Variants in NRXN1 observed in about 807,000 individuals in gnomAD.
NRXN1 encodes neurexin 1, also known as neurexin-1.
A neutral mutation model predicts 150.9 loss-of-function variants in NRXN1; 39 were observed. The observed-to-expected ratio is 0.26, with a 90% CI of 0.20 to 0.34. The LOEUF (loss-of-function observed/expected upper bound fraction) is 0.34. NRXN1 is among the 10% of genes least tolerant of loss of function. NRXN1 has a pLI of 1.00. For missense variants in NRXN1, 1,815 were observed against 1,949.9 expected (o/e 0.93, Z 1.30); for synonymous variants, 924 against 757.0 (o/e 1.22, Z -3.62).
chr2:50,287,161 G>C (rs2072299448), intron 17 of NRXN1, among the ~76,000 whole-genome samples: 1 of 152,008 alleles, frequency 6.6e-6, no homozygotes, highest in African/African-American at 2.4e-5. Context: ...ATGTGCTAAA[G>C]CTACTTACGT....
chr2:50,577,440 G>A (rs560612968), intron 8 of NRXN1, among the ~76,000 whole-genome samples: 71 of 150,368 alleles, frequency 4.7e-4, no homozygotes, highest in Non-Finnish European at 8.7e-4. Flanking sequence ...TTGATTTCCC[G>A]CAGTATCACT....
At chr2:50,796,695 C>A (rs967242458) in intron 5 of NRXN1, among the ~76,000 whole-genome samples, 9 of 152,128 alleles carry the variant, frequency 5.9e-5, no homozygotes, top group Non-Finnish European at 1.3e-4. Context: ...GATTTCAAGG[C>A]CCAAAGTCCC....
chr2:50,595,646 A>T (rs969320946), intron 8 of NRXN1, among the ~76,000 whole-genome samples: 12 of 152,196 alleles, frequency 7.9e-5, no homozygotes, highest in African/African-American at 2.9e-4. Context: ...AGTACCCAGG[A>T]AGAATGATTC....
chr2:50,214,640 A>T (rs2152848233), intron 18 of NRXN1, among the ~76,000 whole-genome samples: 2 of 152,132 alleles, frequency 1.3e-5, no homozygotes, highest in South Asian at 4.1e-4. Flanking sequence ...ACTCTTAAAT[A>T]GAGAGCTTGA....
chr2:49,942,614 T>TATTATTA (rs112672714), intron 22 of NRXN1, among the ~76,000 whole-genome samples: 3,107 of 148,886 alleles, frequency 0.021, 43 homozygotes, highest in East Asian at 0.036. Context: ...TTATTATTAT[T>TATTATTA]TTATTATTAT....
At chr2:50,793,882 G>C (rs1706417888) in intron 5 of NRXN1, among the ~76,000 whole-genome samples, 1 of 152,022 alleles carries the variant, frequency 6.6e-6, no homozygotes, top group Admixed American at 6.6e-5. Flanking sequence ...AAATTTAGCA[G>C]CTTATATTTC....
intron 5 of NRXN1, among the ~76,000 whole-genome samples, 188 bp downstream of exon 5, chr2:50,921,681 G>A (rs975595525): frequency 1.3e-5 from 2 of 151,600 alleles, no homozygotes; most frequent in Non-Finnish European, 2.9e-5. Context: ...AGAAAAAAAA[G>A]GGTGGGGGCG....
intron 5 of NRXN1, among the ~76,000 whole-genome samples, chr2:50,633,343 G>GA (rs572726587): frequency 5.9e-5 from 9 of 151,648 alleles, no homozygotes; most frequent in South Asian, 4.2e-4. Flanking sequence ...TTAAAAGAAA[G>GA]AAAAAAAACT....
chr2:50,388,047 A>C (rs1411322421), intron 17 of NRXN1, among the ~76,000 whole-genome samples: 1 of 152,148 alleles, frequency 6.6e-6, no homozygotes, highest in Non-Finnish European at 1.5e-5. Flanking sequence ...TTCATCTTTT[A>C]CTTGAAACTT....
chr2:50,890,573 A>G (rs1680901315), intron 5 of NRXN1, among the ~76,000 whole-genome samples: 1 of 151,850 alleles, frequency 6.6e-6, no homozygotes. Context: ...ACACTCACCC[A>G]TATTTCAAAG....
At chr2:50,110,888 C>G (rs1483581417) in intron 18 of NRXN1, among the ~76,000 whole-genome samples, 1 of 152,146 alleles carries the variant, frequency 6.6e-6, no homozygotes, top group East Asian at 1.9e-4. Flanking sequence ...TGCCCATAAA[C>G]TGAGTTTCCT....
At chr2:50,589,930 G>C (rs1673850105) in intron 8 of NRXN1, among the ~76,000 whole-genome samples, 2 of 152,104 alleles carry the variant, frequency 1.3e-5, no homozygotes, top group Admixed American at 6.6e-5. Flanking sequence ...GAAACCATTA[G>C]GTTTTATTCA....
intron 5 of NRXN1, among the ~76,000 whole-genome samples, chr2:50,889,676 T>C (rs1220879740): frequency 2.0e-5 from 3 of 151,746 alleles, no homozygotes; most frequent in East Asian, 1.9e-4. Context: ...TGGTAATAGC[T>C]TTTCATTTAA....
At chr2:50,540,274 C>T (rs2093359264) in intron 9 of NRXN1, among the ~76,000 whole-genome samples, 1 of 152,138 alleles carries the variant, frequency 6.6e-6, no homozygotes, top group Non-Finnish European at 1.5e-5. Flanking sequence ...ACAAAGTATT[C>T]ATTTTTACTG....
At chr2:50,216,807 T>C (rs1040098425) in intron 18 of NRXN1, among the ~76,000 whole-genome samples, 36 of 152,012 alleles carry the variant, frequency 2.4e-4, no homozygotes, top group Non-Finnish European at 5.3e-4. Flanking sequence ...GATTTCAGAT[T>C]TGGGTGTGAT....
intron 8 of NRXN1, among the ~76,000 whole-genome samples, chr2:50,596,840 G>A (rs1573715400): frequency 2.0e-5 from 3 of 148,548 alleles, no homozygotes; most frequent in African/African-American, 4.9e-5. Context: ...GTGCCTATGA[G>A]GAACGTGGGA....
At chr2:50,824,428 A>G (rs79030069) in intron 5 of NRXN1, among the ~76,000 whole-genome samples, 11,439 of 152,170 alleles carry the variant, frequency 0.075, 534 homozygotes, top group Middle Eastern at 0.13. Flanking sequence ...CACATTTTAA[A>G]GATGTAGGGA....
chr2:50,407,474 C>A (rs17040600), intron 17 of NRXN1, among the ~76,000 whole-genome samples: 35,804 of 151,998 alleles, frequency 0.24, 4,542 homozygotes, highest in East Asian at 0.42. Flanking sequence ...CCTAAAGACT[C>A]CTATGGCTTG....
At chr2:50,619,824 A>G in intron 8 of NRXN1, 198 bp downstream of exon 8, 1 of 447,116 alleles carries the variant, frequency 2.2e-6, no homozygotes, top group Non-Finnish European at 4.0e-6. Context: ...ACTAATAAAG[A>G]AGAGGAACCT....
Sources: gnomAD v4.1 joint callset for allele counts (sites outside exome capture counted in the v4.1 genomes callset) on GRCh38, gnomAD v4.1.1 for gene constraint, MANE v1.5 for transcripts, NCBI Gene and HGNC (gene_info 2026-07-23, HGNC 2026-07-21) for gene names.